CDH18: variants seen among roughly 807,000 people sequenced by gnomAD.
The protein encoded by CDH18 is cadherin 18, also known as cadherin-18.
Under a neutral mutation model 67.9 loss-of-function variants are expected in CDH18, and 31 were observed. The observed-to-expected ratio is 0.46, with a 90% CI of 0.34 to 0.62. The LOEUF (loss-of-function observed/expected upper bound fraction) is 0.62, where lower values mean the gene tolerates loss of function less well. Among genes scored for constraint, CDH18 ranks in the 20% least tolerant of loss-of-function variants. The probability of loss-of-function intolerance (pLI) is 0.01; values close to 1 mark genes in which losing one functional copy is unlikely to be tolerated. For missense variants in CDH18, 890 were observed against 975.5 expected (o/e 0.91, Z 1.17); for synonymous variants, 362 against 347.2 (o/e 1.04, Z -0.48).
At chr5:19,837,232 G>T (rs1225055535) in intron 3 of CDH18, among the ~76,000 whole-genome samples, 2 of 151,956 alleles carry the variant, frequency 1.3e-5, no homozygotes, top group African/African-American at 4.8e-5. Flanking sequence ...ACACAGAGTG[G>T]GAAAAAACAC....
chr5:20,383,388 A>G (rs1744069787), intron 1 of CDH18, among the ~76,000 whole-genome samples: 1 of 152,170 alleles, frequency 6.6e-6, no homozygotes. Flanking sequence ...ACATACATCA[A>G]AGAAATATTT....
At chr5:19,898,341 G>T (rs1435370475) in intron 2 of CDH18, among the ~76,000 whole-genome samples, 1 of 75,958 alleles carries the variant, frequency 1.3e-5, no homozygotes. Flanking sequence ...TCCAATCATT[G>T]TTCTTATAGT....
chr5:19,474,997 T>C (rs1457299044), intron 12 of CDH18, among the ~76,000 whole-genome samples: 1 of 152,250 alleles, frequency 6.6e-6, no homozygotes, highest in Non-Finnish European at 1.5e-5. Flanking sequence ...TTCAGCTCTA[T>C]AGACTGCTCT....
intron 9 of CDH18, among the ~76,000 whole-genome samples, chr5:19,521,085 A>C (rs1371589124): frequency 6.6e-6 from 1 of 152,240 alleles, no homozygotes; most frequent in Non-Finnish European, 1.5e-5. Context: ...CAGAGTCTAC[A>C]GGATGAACAA....
intron 2 of CDH18, among the ~76,000 whole-genome samples, chr5:20,202,457 T>A (rs569694804): frequency 1.3e-5 from 2 of 152,194 alleles, no homozygotes; most frequent in African/African-American, 4.8e-5. Flanking sequence ...TACACTTCCA[T>A]ATTTTGTTAT....
intron 1 of CDH18, among the ~76,000 whole-genome samples, chr5:20,403,822 C>G (rs1446505912): frequency 6.6e-6 from 1 of 152,142 alleles, no homozygotes; most frequent in Admixed American, 6.5e-5. Context: ...GAGAGTCGGC[C>G]TGTTCTTCAA....
intron 1 of CDH18, among the ~76,000 whole-genome samples, chr5:20,260,060 T>C (rs1346727673): frequency 6.6e-6 from 1 of 151,908 alleles, no homozygotes; most frequent in African/African-American, 2.4e-5. Context: ...TCACACTAAG[T>C]TCCTTTCCAT....
chr5:19,952,301 G>A (rs568537022), intron 2 of CDH18, among the ~76,000 whole-genome samples: 18 of 152,164 alleles, frequency 1.2e-4, no homozygotes, highest in South Asian at 8.3e-4. Context: ...TGCTGGCTTC[G>A]GCCTCCCAAA....
At chr5:20,226,293 G>A (rs748687752) in intron 2 of CDH18, among the ~76,000 whole-genome samples, 4 of 151,884 alleles carry the variant, frequency 2.6e-5, no homozygotes, top group Non-Finnish European at 4.4e-5. Flanking sequence ...AATAGCATTC[G>A]GTATTAGCTG....
chr5:20,003,072 A>C (rs2150403306), intron 2 of CDH18, among the ~76,000 whole-genome samples: 1 of 152,230 alleles, frequency 6.6e-6, no homozygotes, highest in South Asian at 2.1e-4. Flanking sequence ...GAACATTATC[A>C]GTGTTGCCTT....
intron 5 of CDH18, among the ~76,000 whole-genome samples, chr5:19,642,050 G>T (rs1352181529): frequency 6.6e-6 from 1 of 151,540 alleles, no homozygotes; most frequent in Non-Finnish European, 1.5e-5. Context: ...CAAAAACAAT[G>T]AATTATTTGA....
chr5:19,499,774 T>C (rs1742936720), intron 11 of CDH18, among the ~76,000 whole-genome samples: 1 of 152,164 alleles, frequency 6.6e-6, no homozygotes, highest in Non-Finnish European at 1.5e-5. Flanking sequence ...TTCTCAGGCT[T>C]ATCATGAACA....
intron 10 of CDH18, 49 bp downstream of exon 10, chr5:19,520,608 G>C (rs199581124): frequency 5.9e-6 from 9 of 1,517,772 alleles, no homozygotes; most frequent in Non-Finnish European, 8.0e-6. Context: ...AAATAAAGGC[G>C]CTTGCATTTA....
chr5:19,590,523 T>C (rs2631619), intron 7 of CDH18, among the ~76,000 whole-genome samples: 17,035 of 136,964 alleles, frequency 0.12, 1,798 homozygotes, highest in African/African-American at 0.3. Context: ...GACAGACAGA[T>C]AGATAGATAG....
chr5:20,400,074 C>G (rs1745630260), intron 1 of CDH18, among the ~76,000 whole-genome samples: 1 of 152,050 alleles, frequency 6.6e-6, no homozygotes, highest in Non-Finnish European at 1.5e-5. Context: ...GGTATCTGGA[C>G]AAAACAGGGT....
chr5:19,765,138 C>G (rs1772902429), intron 3 of CDH18, among the ~76,000 whole-genome samples: 1 of 152,122 alleles, frequency 6.6e-6, no homozygotes. Context: ...TGTGTATTCT[C>G]AGCTAAAATC....
At chr5:19,871,852 G>A (rs969948937) in intron 2 of CDH18, among the ~76,000 whole-genome samples, 1 of 152,124 alleles carries the variant, frequency 6.6e-6, no homozygotes, top group African/African-American at 2.4e-5. Context: ...TAGCCATGAA[G>A]CTTGTGTGGA....
chr5:20,187,617 G>A (rs1738203919), intron 2 of CDH18, among the ~76,000 whole-genome samples: 1 of 151,850 alleles, frequency 6.6e-6, no homozygotes, highest in Non-Finnish European at 1.5e-5. Context: ...AGCGATACAA[G>A]AAGCATTATC....
intron 2 of CDH18, among the ~76,000 whole-genome samples, chr5:20,126,280 ATCTTT>A (rs1289259147): frequency 2.6e-5 from 4 of 152,208 alleles, no homozygotes; most frequent in African/African-American, 9.6e-5. Context: ...TGAAATTAGA[ATCTTT>A]TCTTACACAA....
Sources: allele counts gnomAD v4.1 joint callset (sites outside exome capture counted in the v4.1 genomes callset), GRCh38; gene constraint gnomAD v4.1.1; transcripts MANE v1.5; gene names NCBI Gene and HGNC (gene_info 2026-07-23, HGNC 2026-07-21).